C2CD2L: variants seen among roughly 807,000 people sequenced by gnomAD.
The protein encoded by C2CD2L is C2CD2 like, also known as phospholipid transfer protein C2CD2L.
C2CD2L carries 24 observed loss-of-function variants against 69.9 expected under a neutral mutation model. The observed-to-expected ratio is 0.34, with a 90% confidence interval of 0.25 to 0.48. The LOEUF (loss-of-function observed/expected upper bound fraction) is 0.48, where lower values mean the gene tolerates loss of function less well. Among genes scored for constraint, C2CD2L ranks in the 20% least tolerant of loss-of-function variants. The pLI is 0.99. For synonymous variants in C2CD2L, 367 were observed against 391.0 expected (o/e 0.94, Z 0.72); for missense variants, 811 against 941.5 (o/e 0.86, Z 1.81).
At chr11:119,112,097 G>A (rs758071788) in intron 7 of C2CD2L, 2 of 546,588 alleles carry the variant, frequency 3.7e-6, no homozygotes, top group East Asian at 3.2e-5. Flanking sequence ...AAGACAGGAA[G>A]AGCAGGACCA....
In C2CD2L at chr11:119,110,055, T is replaced by G. The variant is rs369715662; in HGVS notation, c.355-49T>G. On this transcript the variant is annotated intron_variant, in intron 1 of 13. Coordinates refer to ENST00000648610, the MANE Select transcript of C2CD2L (RefSeq NM_001290474.2). The surrounding 1 kb of genome is among the most constrained non-coding windows in gnomAD (Gnocchi z 5.7). Reference sequence around the variant, plus strand: ...CCAGCAACTGAGCAGGCCAACCCTGTGGGGGGCAGCTCCAGAGACCTGATC... The same window carrying G: ...CCAGCAACTGAGCAGGCCAACCCTGGGGGGGGCAGCTCCAGAGACCTGATC... 2 of 1,374,354 alleles carry G rather than the reference T, an allele frequency of 1.5e-6. No homozygotes were observed. Among genetic ancestry groups the G allele is most frequent in the Non-Finnish European group, 2.1e-6 (2 of 961,416 alleles). 85.1% of individuals were successfully genotyped at this position (1,374,354 alleles called of 1,614,324 possible).
rs1223733862 is a variant in C2CD2L at position 119,109,411 on chromosome 11, C to T, written c.355-693C>T. ...GGGAGCAGCTCTTTTGAGATCTAAG[C>T]AGCTTTCTGCTCTCTAATACCGTCC... On this transcript the variant is annotated intron_variant, in intron 1 of 13. Coordinates refer to ENST00000648610, the MANE Select transcript of C2CD2L (RefSeq NM_001290474.2). This position sits in a 1 kb window ranked among gnomAD's most constrained non-coding sequence, Gnocchi z 5.1. 1.3e-5 allele frequency among the ~76,000 whole-genome samples: 2 copies of T among 152,202 alleles called. No individual in the cohort carries two copies. The highest frequency in any genetic ancestry group is 2.9e-5 in the Non-Finnish European group (2 of 68,038).
upstream of C2CD2L, chr11:119,102,273 GA>G (rs1250331822): frequency 8.4e-6 from 4 of 477,326 alleles, no homozygotes; most frequent in Non-Finnish European, 1.7e-5. Context: ...CCGGCTCCAG[GA>G]AGATGGCTAT....
chr11:119,109,436 C>T lies in C2CD2L; in HGVS notation c.355-668C>T, dbSNP rs560755095. 6.6e-6 allele frequency among the ~76,000 whole-genome samples: 1 copy of T among 152,354 alleles called. No homozygotes were observed. Among genetic ancestry groups the T allele is most frequent in the South Asian group, 2.1e-4 (1 of 4,834 alleles). On this transcript the variant is annotated intron_variant, in intron 1 of 13. Coordinates refer to ENST00000648610, the MANE Select transcript of C2CD2L (RefSeq NM_001290474.2). This position sits in a 1 kb window ranked among gnomAD's most constrained non-coding sequence, Gnocchi z 5.1. ...CAGCTTTCTGCTCTCTAATACCGTC[C>T]TGCTATCTGCCTTGAGGAATTAGCC...
chr11:119,107,272 G>C (rs1185437115), upstream of C2CD2L: 1 of 152,550 alleles, frequency 6.6e-6, no homozygotes, highest in Non-Finnish European at 1.5e-5. The surrounding 1 kb of genome is among the most constrained non-coding windows in gnomAD (Gnocchi z 5.4). Context: ...CAGCGAGGGA[G>C]CGCCAGGCTG....
At chr11:119,104,838 A>G (rs992247655), upstream of C2CD2L, among the ~76,000 whole-genome samples, 2 of 152,174 alleles carry the variant, frequency 1.3e-5, no homozygotes, top group African/African-American at 4.8e-5. Flanking sequence ...ACCCCTCTGG[A>G]TAGTCTGGGG....
rs1196223347 is a variant in C2CD2L, at chr11:119,116,470, G to A, written c.*214G>A. 2 of 595,758 alleles carry A rather than the reference G, an allele frequency of 3.4e-6. No individual in the cohort carries two copies. Among genetic ancestry groups the A allele is most frequent in the African/African-American group, 1.9e-5 (1 of 53,854 alleles). 36.9% of individuals were successfully genotyped at this position (595,758 alleles called of 1,614,324 possible). A position where few individuals can be genotyped will look rare whatever the true frequency, so the allele number is the denominator to read the frequency against. The stretch of plus-strand genomic sequence containing the variant: ...GTGCCGAGGACATGGACGAGGGACT[G>A]GTGGCTGGGAGGGAGAGGAGGGCCC... On this transcript the variant is annotated 3_prime_UTR_variant, in exon 14 of 14. Transcript: ENST00000648610.
In C2CD2L at chr11:119,108,011, G is replaced by A. The variant is rs375151967; in HGVS notation, c.270G>A (p.Ala90=). 8 of 1,593,310 alleles carry A rather than the reference G, an allele frequency of 5.0e-6. No individual in the cohort carries two copies. In the African/African-American group the frequency reaches 8.3e-5, roughly 17 times the overall value. Residue 90 remains alanine, a synonymous_variant, in exon 1 of 14, where the codon GCG becomes GCA. Transcript: ENST00000648610. ...AGCCAGGAGTCCGGGGCCTCCTGGC[G>A]TCACTCTTCGCCTTCAAGTCTTTCC... ...AEEPGVRGLL[A]SLFAFKSFRE... is the part of the protein sequence containing the mutation.
chr11:119,103,040 C>T (rs1046167688), upstream of C2CD2L, among the ~76,000 whole-genome samples: 3 of 151,658 alleles, frequency 2.0e-5, no homozygotes, highest in Non-Finnish European at 2.9e-5. Context: ...TACAGGCATG[C>T]GCCACCACGC....
At position 119,110,901 on chromosome 11, in the gene C2CD2L, T is replaced by G. The variant is rs772665465; in HGVS notation, c.625T>G (p.Phe209Val). Residue 209 changes from phenylalanine (F) to valine (V), a missense_variant, in exon 4 of 14, where the codon TTC becomes GTC. By Grantham distance (50) the Phe-to-Val change is conservative (BLOSUM62 -1). Coordinates refer to ENST00000648610, the MANE Select transcript of C2CD2L (RefSeq NM_001290474.2). The surrounding 1 kb of genome is among the most constrained non-coding windows in gnomAD (Gnocchi z 5.7). ...PGEGLLISWA[F>V]TDRPDLSLTV... ...TGAGGGGCTGCTCATATCCTGGGCC[T>G]TCACTGATCGCCCAGATCTCAGCCT... 5 of 1,614,164 alleles carry G rather than the reference T, an allele frequency of 3.1e-6. No individual in the cohort carries two copies. The highest frequency in any genetic ancestry group is 4.2e-6 in the Non-Finnish European group (5 of 1,179,996).
At chr11:119,104,991 A>G (rs1233006647), upstream of C2CD2L, among the ~76,000 whole-genome samples, 1 of 152,230 alleles carries the variant, frequency 6.6e-6, no homozygotes, top group Non-Finnish European at 1.5e-5. Flanking sequence ...TTCCACTGGT[A>G]TGGCATGAAT....
rs1239179198 is a variant in C2CD2L at position 119,109,108 on chromosome 11, T to C, written c.355-996T>C. ...AACTCCCCAGGATAGCTGACTCAAC[T>C]GGACATTGGCCTCCCTTGCAGAGGG... On this transcript the variant is annotated intron_variant, in intron 1 of 13. Coordinates refer to ENST00000648610, the MANE Select transcript of C2CD2L (RefSeq NM_001290474.2). The surrounding 1 kb of genome is among the most constrained non-coding windows in gnomAD (Gnocchi z 5.1). 6.6e-6 allele frequency among the ~76,000 whole-genome samples: 1 copy of C among 152,210 alleles called. No individual in the cohort carries two copies. Among genetic ancestry groups the C allele is most frequent in the Non-Finnish European group, 1.5e-5 (1 of 68,040 alleles).
Position 119,111,553 on chromosome 11 carries a change from G to A in C2CD2L, c.943G>A (p.Asp315Asn), listed in dbSNP as rs150066907. 28 of 1,614,148 alleles carry A rather than the reference G, an allele frequency of 1.7e-5. No individual in the cohort carries two copies. Among genetic ancestry groups the A allele is most frequent in the East Asian group, 4.5e-5 (2 of 44,892 alleles). ...TEELCCVAEL[D>N]NPMQQKWTKP... The stretch of plus-strand genomic sequence containing the variant: ...GGAACTGTGCTGTGTAGCTGAACTC[G>A]ACAACCCCATGCAGCAGAAGTGGAC... The change falls in exon 7 of 14, where the codon GAC becomes AAC. Residue 315 changes from aspartate to asparagine, a missense_variant. Transcript: ENST00000648610.
At chr11:119,115,653 T>C (rs1233660946) in intron 13 of C2CD2L, 3 of 312,682 alleles carry the variant, frequency 9.6e-6, no homozygotes, top group African/African-American at 6.4e-5. Flanking sequence ...CCCTTCATGA[T>C]TTATAGACTT....
upstream of C2CD2L, chr11:119,107,046 G>C (rs532993603): frequency 9.2e-5 from 14 of 152,348 alleles, no homozygotes; most frequent in East Asian, 1.5e-3. The surrounding 1 kb of genome is among the most constrained non-coding windows in gnomAD (Gnocchi z 5.4). Flanking sequence ...TTTCCACAGG[G>C]GTCACCTCCT....
Position 119,110,656 on chromosome 11 carries a change from C to T in C2CD2L, c.546C>T (p.Val182=). Reference sequence around the variant, plus strand: ...CCGTCTCCATGGAGACCTACCACGTCACTCTGACACTGCCACCAACACAGG... The same window carrying T: ...CCGTCTCCATGGAGACCTACCACGTTACTCTGACACTGCCACCAACACAGG... The part of the protein sequence containing the change: ...PAAVSMETYH[V]TLTLPPTQLE... The change falls in exon 3 of 14, where the codon GTC becomes GTT. Residue 182 remains valine (V), a synonymous_variant. Coordinates refer to ENST00000648610, the MANE Select transcript of C2CD2L (RefSeq NM_001290474.2). This position sits in a 1 kb window ranked among gnomAD's most constrained non-coding sequence, Gnocchi z 5.7. The T allele has an allele frequency of 6.2e-7, 1 of 1,613,842 alleles. No homozygotes were observed. The highest frequency in any genetic ancestry group is 8.5e-7 in the Non-Finnish European group (1 of 1,180,012).
In C2CD2L at chr11:119,116,211, C is replaced by A. The variant is rs745747714; in HGVS notation, c.2076C>A (p.Phe692Leu). The A allele has an allele frequency of 1.9e-6, 3 of 1,614,140 alleles. No individual in the cohort carries two copies. Among genetic ancestry groups the A allele is most frequent in the South Asian group, 2.2e-5 (2 of 91,096 alleles). Residue 692 changes from phenylalanine to leucine, a missense_variant, in exon 14 of 14, where the codon TTC becomes TTA. Coordinates refer to ENST00000648610, the MANE Select transcript of C2CD2L (RefSeq NM_001290474.2). ...FSRRLIKRFS[F>L]KSKPKANGNP... ...GCCGCCTTATCAAGCGCTTTTCCTT[C>A]AAATCCAAACCCAAGGCCAATGGTA...
At position 119,113,093 on chromosome 11, in the gene C2CD2L, T is replaced by G. The variant is rs1389426286; in HGVS notation, c.1387+219T>G. ...GCAATTCCTCTCACTCTGCCACCCT[T>G]CTGGATCCTCCTGCCCCTCCTCATA... On this transcript the variant is annotated intron_variant, in intron 10 of 13. Transcript: ENST00000648610. 3 of 590,980 alleles carry G rather than the reference T, an allele frequency of 5.1e-6. No individual in the cohort carries two copies. The African/African-American group carries it at 5.6e-5, about 11-fold the overall frequency. 36.6% of individuals were successfully genotyped at this position (590,980 alleles called of 1,614,324 possible).
Position 119,107,898 on chromosome 11 carries a change from G to T in C2CD2L, c.157G>T (p.Ala53Ser). 6.6e-7 allele frequency: 1 copy of T among 1,524,924 alleles called. No homozygotes were observed. Among genetic ancestry groups the T allele is most frequent in the Non-Finnish European group, 8.7e-7 (1 of 1,143,148 alleles). 94.5% of individuals were successfully genotyped at this position (1,524,924 alleles called of 1,614,324 possible). A position where few individuals can be genotyped will look rare whatever the true frequency, so the allele number is the denominator to read the frequency against. Residue 53 changes from alanine to serine, a missense_variant, in exon 1 of 14, where the codon GCC becomes TCC. By Grantham distance (99) the Ala-to-Ser change is moderately conservative. Coordinates refer to ENST00000648610, the MANE Select transcript of C2CD2L (RefSeq NM_001290474.2). This position sits in a 1 kb window ranked among gnomAD's most constrained non-coding sequence, Gnocchi z 5.4. ...RGDRGPGPAL[A>S]GEPAGSLREL... Reference sequence around the variant, plus strand: ...GGACCGGGGCCCGGGACCCGCCTTAGCCGGGGAACCCGCGGGTTCCCTGCG... The same window carrying T: ...GGACCGGGGCCCGGGACCCGCCTTATCCGGGGAACCCGCGGGTTCCCTGCG...
Sources: allele counts gnomAD v4.1 joint callset (sites outside exome capture counted in the v4.1 genomes callset), GRCh38; gene constraint gnomAD v4.1.1; non-coding constraint Gnocchi (gnomAD v3.1); transcripts MANE v1.5; gene names NCBI Gene and HGNC (gene_info 2026-07-23, HGNC 2026-07-21).